Variants in RABGAP1L observed in about 807,000 individuals in gnomAD.
The protein encoded by RABGAP1L is RAB GTPase activating protein 1 like.
A neutral mutation model predicts 137.7 loss-of-function variants in RABGAP1L; 63 were observed. The ratio of observed to expected loss-of-function variants is 0.46; its 90% CI spans 0.37 to 0.56. The LOEUF (loss-of-function observed/expected upper bound fraction) is 0.56. Ranked by LOEUF, RABGAP1L falls within the 20% of genes least tolerant of loss-of-function variation. The pLI, the probability that RABGAP1L is intolerant of heterozygous loss-of-function variation, is 0.00. For missense variants in RABGAP1L, 1,095 were observed against 1,244.0 expected (o/e 0.88, Z 1.80); for synonymous variants, 431 against 433.7 (o/e 0.99, Z 0.08).
rs768551330 is a variant in RABGAP1L at position 174,702,221 on chromosome 1, A to G, written c.2134A>G (p.Met712Val). The G allele has an allele frequency of 1.3e-5, 21 of 1,612,150 alleles. No individual in the cohort carries two copies. Among genetic ancestry groups the G allele is most frequent in the African/African-American group, 1.2e-4 (9 of 74,864 alleles). Reference sequence around the variant, plus strand: ...TTTTACTGCCAAGTTCCCACTCTGCATGGTGTTCCACATCATTGACTTACT... The same window carrying G: ...TTTTACTGCCAAGTTCCCACTCTGCGTGGTGTTCCACATCATTGACTTACT... ...TLFTAKFPLC[M>V]VFHIIDLLLC... The change falls in exon 17 of 26, where the codon ATG becomes GTG. Residue 712 changes from methionine to valine, a missense_variant. Physicochemically the swap from Met to Val is conservative, Grantham distance 21. Around this residue, in one of 4 missense-constraint regions of RABGAP1L, gnomAD observed 312 missense variants for 435.6 expected, o/e 0.72. Transcript: ENST00000681986.
chr1:174,732,201 CA>C (rs35666280), intron 17 of RABGAP1L, among the ~76,000 whole-genome samples: 24 of 144,990 alleles, frequency 1.7e-4, no homozygotes, highest in East Asian at 6.0e-4. Context: ...CCATCCCCCC[CA>C]AAAAAAAAAA....
At chr1:174,384,266 G>C (rs1226371861) in intron 12 of RABGAP1L, among the ~76,000 whole-genome samples, 2 of 152,156 alleles carry the variant, frequency 1.3e-5, no homozygotes, top group Admixed American at 1.3e-4. Context: ...TTAAGGACTG[G>C]TGGTATTGAC....
chr1:174,442,623 A>G (rs975456947), intron 13 of RABGAP1L, among the ~76,000 whole-genome samples: 1 of 152,144 alleles, frequency 6.6e-6, no homozygotes, highest in South Asian at 2.1e-4. Context: ...CATAATAGTT[A>G]TATATGGGGT....
chr1:174,784,278 G>T (rs528463213), intron 18 of RABGAP1L, among the ~76,000 whole-genome samples: 1 of 151,942 alleles, frequency 6.6e-6, no homozygotes, highest in East Asian at 1.9e-4. Context: ...CTCGGCTCCC[G>T]AAAGTGCTGG....
chr1:174,578,801 T>G (rs1202940696), intron 13 of RABGAP1L, among the ~76,000 whole-genome samples: 1 of 150,250 alleles, frequency 6.7e-6, no homozygotes, highest in Non-Finnish European at 1.5e-5. Context: ...CTATGTTATA[T>G]TATTACTTTA....
At position 174,482,140 on chromosome 1, in the gene RABGAP1L, C is replaced by T. The variant is rs1164758162; in HGVS notation, c.1710+87995C>T. Among the ~76,000 whole-genome samples, 4 of 152,136 alleles carry T rather than the reference C, an allele frequency of 2.6e-5. No homozygotes were observed. In the Middle Eastern group the frequency reaches 0.01, roughly 391 times the overall value. ...AAAGATGGAAGAAAAGAACCATGAGCAAGGAATGTGGGAAACCTTTAAAAA... is the reference window on the plus strand; with the variant it reads ...AAAGATGGAAGAAAAGAACCATGAGTAAGGAATGTGGGAAACCTTTAAAAA... On this transcript the variant is annotated intron_variant, in intron 13 of 25. Coordinates refer to ENST00000681986, the MANE Select transcript of RABGAP1L (RefSeq NM_001366446.1).
At chr1:174,475,045 TATC>T (rs1658358479) in intron 13 of RABGAP1L, among the ~76,000 whole-genome samples, 1 of 152,086 alleles carries the variant, frequency 6.6e-6, no homozygotes, top group Admixed American at 6.5e-5. Flanking sequence ...TATTAATAAA[TATC>T]ATTTATTAAT....
chr1:174,950,659 G>A (rs1016952083), intron 19 of RABGAP1L, among the ~76,000 whole-genome samples: 6 of 152,290 alleles, frequency 3.9e-5, no homozygotes, highest in Admixed American at 3.9e-4. Flanking sequence ...TCCAAGGAAA[G>A]TGATACTATA....
At chr1:174,214,526 C>T (rs1374840002) in intron 1 of RABGAP1L, among the ~76,000 whole-genome samples, 2 of 152,186 alleles carry the variant, frequency 1.3e-5, no homozygotes, top group East Asian at 3.9e-4. Flanking sequence ...CCAGAATAGC[C>T]AAAACTATCC....
At chr1:174,361,225 G>GTTTT (rs376884093) in intron 11 of RABGAP1L, among the ~76,000 whole-genome samples, 1 of 133,302 alleles carries the variant, frequency 7.5e-6, no homozygotes, top group African/African-American at 2.7e-5. Context: ...CTCCAGTTTT[G>GTTTT]TTTTTTTTTT....
At chr1:174,345,251 G>A (rs1375141908) in intron 11 of RABGAP1L, among the ~76,000 whole-genome samples, 2 of 152,074 alleles carry the variant, frequency 1.3e-5, no homozygotes, top group Non-Finnish European at 2.9e-5. Context: ...TTTTTGCTTA[G>A]GATGGCCATG....
chr1:174,286,229 T>G (rs1385914062), intron 10 of RABGAP1L, among the ~76,000 whole-genome samples: 4 of 152,330 alleles, frequency 2.6e-5, no homozygotes, highest in Non-Finnish European at 5.9e-5. Context: ...TTTTTATTGC[T>G]GATTCAGTCT....
intron 13 of RABGAP1L, among the ~76,000 whole-genome samples, chr1:174,520,267 G>T (rs1663248091): frequency 6.6e-6 from 1 of 152,180 alleles, no homozygotes; most frequent in Non-Finnish European, 1.5e-5. Flanking sequence ...TCCAAGTATT[G>T]ACTAGATATT....
chr1:174,890,570 G>A (rs990013700), intron 19 of RABGAP1L, among the ~76,000 whole-genome samples: 3 of 152,140 alleles, frequency 2.0e-5, no homozygotes, highest in Non-Finnish European at 4.4e-5. Context: ...CATGCACACA[G>A]TATCAGAATT....
Position 174,413,607 on chromosome 1 carries a change from G to A in RABGAP1L, c.1710+19462G>A, listed in dbSNP as rs143982303. ...AATTTTTGTCATTATTTTCTCGCAGGTATGATTGTTTTTCTTTCTTCATTT... is the reference window on the plus strand; with the variant it reads ...AATTTTTGTCATTATTTTCTCGCAGATATGATTGTTTTTCTTTCTTCATTT... On this transcript the variant is annotated intron_variant, in intron 13 of 25. Transcript: ENST00000681986. Among the ~76,000 whole-genome samples, 177 of 152,026 alleles carry A rather than the reference G, an allele frequency of 1.2e-3. 1 individual carries two copies. The highest frequency in any genetic ancestry group is 4.2e-3 in the African/African-American group (173 of 41,452).
At chr1:174,931,760 T>C (rs1180407014) in intron 19 of RABGAP1L, among the ~76,000 whole-genome samples, 1 of 152,050 alleles carries the variant, frequency 6.6e-6, no homozygotes, top group Non-Finnish European at 1.5e-5. Context: ...ATACCAGAGG[T>C]CTTTGTTAAT....
In RABGAP1L at chr1:174,328,749, G is replaced by A. The variant is rs189900346; in HGVS notation, c.1465+23622G>A. ...CATGCCACTGCACTCCAGCCTGGGCGACAGAGCAAGACTCCATCTCTAAAT... is the reference window on the plus strand; with the variant it reads ...CATGCCACTGCACTCCAGCCTGGGCAACAGAGCAAGACTCCATCTCTAAAT... On this transcript the variant is annotated intron_variant, in intron 11 of 25. Coordinates refer to ENST00000681986, the MANE Select transcript of RABGAP1L (RefSeq NM_001366446.1). 1.3e-3 allele frequency among the ~76,000 whole-genome samples: 193 copies of A among 152,160 alleles called. 2 individuals carry two copies. The highest frequency in any genetic ancestry group is 4.5e-3 in the African/African-American group (185 of 41,532).
chr1:174,648,171 GT>G (rs1279777278), intron 14 of RABGAP1L, among the ~76,000 whole-genome samples: 1 of 151,406 alleles, frequency 6.6e-6, no homozygotes, highest in Admixed American at 6.6e-5. Flanking sequence ...GATTCATTGA[GT>G]TTTTTTTGAA....
rs538481226 is a variant in RABGAP1L, at chr1:174,725,528, G to T, written c.2169+23272G>T. Among the ~76,000 whole-genome samples the T allele has an allele frequency of 3.3e-5, 5 of 152,176 alleles. No homozygotes were observed. In the East Asian group the frequency reaches 7.7e-4, roughly 24 times the overall value. ...GATTTAGTGGAATTATAAACTGAAA[G>T]AATTCATGTATAACTTTTGCCTCAC... On this transcript the variant is annotated intron_variant, in intron 17 of 25. Coordinates refer to ENST00000681986, the MANE Select transcript of RABGAP1L (RefSeq NM_001366446.1).
Sources: allele counts gnomAD v4.1 joint callset (sites outside exome capture counted in the v4.1 genomes callset), GRCh38; gene constraint gnomAD v4.1.1; regional missense constraint gnomAD v4.1.1; transcripts MANE v1.5; gene names NCBI Gene and HGNC (gene_info 2026-07-23, HGNC 2026-07-21).